The following SPACA3 variants were observed in gnomAD, a reference collection of about 807,000 sequenced individuals.
SPACA3 encodes the protein sperm acrosome membrane-associated protein 3.
A neutral mutation model predicts 24.5 loss-of-function variants in SPACA3; 21 were observed. The observed-to-expected ratio is 0.86, with a 90% confidence interval of 0.61 to 1.24. The LOEUF (loss-of-function observed/expected upper bound fraction) is 1.24, where lower values mean the gene tolerates loss of function less well. SPACA3 is among the 50% of genes most tolerant of loss of function. The pLI, the probability that SPACA3 is intolerant of heterozygous loss-of-function variation, is 0.00. For synonymous variants in SPACA3, 115 were observed against 106.9 expected, an observed-to-expected ratio of 1.08 and a Z score of -0.47; for missense variants, 278 against 275.5, an observed-to-expected ratio of 1.01 and a Z score of -0.06.
intron 1 of SPACA3, 103 bp from the exon 2 acceptor site, chr17:32,995,306 G>T: frequency 8.9e-7 from 1 of 1,123,778 alleles, no homozygotes; most frequent in Non-Finnish European, 1.3e-6. Context: ...AGAGGGGCTG[G>T]TCTCGGGGTC....
intron 1 of SPACA3, among the ~76,000 whole-genome samples, chr17:32,993,616 G>A (rs1215339655): frequency 5.9e-5 from 9 of 152,068 alleles, no homozygotes; most frequent in Non-Finnish European, 1.0e-4. Flanking sequence ...CCTTGGACCC[G>A]CAGAGCAGTT....
Position 32,995,736 on chromosome 17 carries a change from GGC to G in SPACA3, c.343+21_343+22del. On this transcript the variant is annotated intron_variant, in intron 2 of 4. Transcript: ENST00000269053. ...GCTGACTGTGAGAACCCCTCTCCCT[GGC>G]GGGCCCTGACTTCCCCACACCTCCC... 1 of 1,603,382 alleles carries G rather than the reference GGC, an allele frequency of 6.2e-7. No individual in the cohort carries two copies. The highest frequency in any genetic ancestry group is 1.1e-5 in the South Asian group (1 of 90,016).
At chr17:32,992,403 C>A (rs914562850) in intron 1 of SPACA3, among the ~76,000 whole-genome samples, 2 of 152,196 alleles carry the variant, frequency 1.3e-5, no homozygotes, top group African/African-American at 4.8e-5. Flanking sequence ...ACTCCCCTCG[C>A]GGTGAGAAGA....
chr17:32,996,410 A>G (rs952318537), intron 2 of SPACA3, among the ~76,000 whole-genome samples: 2 of 147,688 alleles, frequency 1.4e-5, no homozygotes, highest in Non-Finnish European at 3.0e-5. Context: ...AATTGCTTGA[A>G]CCCGGGAGGC....
intron 1 of SPACA3, 106 bp downstream of exon 1, chr17:32,992,078 C>A: frequency 8.3e-7 from 1 of 1,207,850 alleles, no homozygotes; most frequent in Non-Finnish European, 1.2e-6. Flanking sequence ...GTGGGGTTAT[C>A]CTGGCCTGGA....
intron 2 of SPACA3, 145 bp downstream of exon 2, chr17:32,995,862 A>G (rs768359600): frequency 3.0e-6 from 3 of 1,008,194 alleles, no homozygotes; most frequent in Non-Finnish European, 4.3e-6. Flanking sequence ...GATGGCAGGT[A>G]GAGAACAGCC....
chr17:32,997,377 T>TCA (rs538091519), intron 3 of SPACA3, 68 bp from the exon 4 acceptor site: 10,148 of 839,492 alleles, frequency 0.012, 2 homozygotes, highest in South Asian at 0.014. Flanking sequence ...AGATACACAC[T>TCA]CACACACACA....
At chr17:32,997,364 G>A in intron 3 of SPACA3, 81 bp from the exon 4 acceptor site, 1 of 1,055,848 alleles carries the variant, frequency 9.5e-7, no homozygotes, top group Non-Finnish European at 1.4e-6. Flanking sequence ...GAGAGAGACA[G>A]ACAGATACAC....
chr17:32,992,836 C>T (rs555016655), intron 1 of SPACA3: 377 of 466,670 alleles, frequency 8.1e-4, no homozygotes, highest in Non-Finnish European at 1.4e-3. Flanking sequence ...TGTGAAGGGT[C>T]GTGAAGGGCC....
At chr17:32,997,560 T>C in intron 4 of SPACA3, 37 bp downstream of exon 4, 2 of 1,585,974 alleles carry the variant, frequency 1.3e-6, no homozygotes, top group Non-Finnish European at 1.7e-6. Context: ...AGCGGTGGTA[T>C]GGTTAGGACT....
At chr17:32,992,059 G>T in intron 1 of SPACA3, 87 bp downstream of exon 1, 3 of 1,452,072 alleles carry the variant, frequency 2.1e-6, no homozygotes, top group Non-Finnish European at 2.8e-6. Context: ...AAACAAGGTG[G>T]TGGTTAGGGT....
chr17:32,993,244 T>A (rs2091701826), intron 1 of SPACA3, among the ~76,000 whole-genome samples: 1 of 152,148 alleles, frequency 6.6e-6, no homozygotes, highest in Non-Finnish European at 1.5e-5. Context: ...GGGTTTGAGG[T>A]GCCTGCAGGG....
chr17:32,995,108 T>G (rs1239459521), intron 1 of SPACA3, among the ~76,000 whole-genome samples: 2 of 152,206 alleles, frequency 1.3e-5, no homozygotes, highest in African/African-American at 4.8e-5. Context: ...GGCCATCCCC[T>G]CCGGGAGCAT....
chr17:32,991,875 G>T lies in SPACA3; in HGVS notation c.-64G>T. 3 of 1,612,542 alleles carry T rather than the reference G, an allele frequency of 1.9e-6. No homozygotes were observed. The highest frequency in any genetic ancestry group is 1.3e-5 in the African/African-American group (1 of 74,998). On this transcript the variant is annotated 5_prime_UTR_variant, in exon 1 of 5. Transcript: ENST00000269053. Reference sequence around the variant, plus strand: ...ACTGGGTGCCTGGGGCCCTGGCAAGGTTGTGGGGGACATCTTGAGCTGAAG... The same window carrying T: ...ACTGGGTGCCTGGGGCCCTGGCAAGTTTGTGGGGGACATCTTGAGCTGAAG...
chr17:32,996,963 C>G lies in SPACA3; in HGVS notation c.464C>G (p.Thr155Ser), dbSNP rs774252623. Residue 155 changes from threonine (T) to serine (S), a missense_variant, in exon 3 of 5, where the codon ACC becomes AGC. Thr to Ser is a moderately conservative substitution (Grantham distance 58, BLOSUM62 1). Coordinates refer to ENST00000269053, the MANE Select transcript of SPACA3 (RefSeq NM_173847.5). Reference protein sequence around the residue: ...INSRRWCSNLTPNVPNVCRMY... With the variant: ...INSRRWCSNLSPNVPNVCRMY... ...AGCCGGAGGTGGTGCAGCAACCTCA[C>G]CCCGAACGTCCCCAACGTGTGCCGG... The G allele has an allele frequency of 5.7e-6, 9 of 1,591,892 alleles. No homozygotes were observed. Among genetic ancestry groups the G allele is most frequent in the Admixed American group, 1.7e-5 (1 of 57,566 alleles).
At chr17:32,996,507 AG>A (rs1043952706) in intron 2 of SPACA3, among the ~76,000 whole-genome samples, 12 of 150,564 alleles carry the variant, frequency 8.0e-5, no homozygotes, top group Non-Finnish European at 1.3e-4. Flanking sequence ...AAAAAAAAAA[AG>A]ATTTAGCACT....
intron 1 of SPACA3, among the ~76,000 whole-genome samples, chr17:32,995,030 A>G (rs2091713027): frequency 6.6e-6 from 1 of 152,068 alleles, no homozygotes; most frequent in Admixed American, 6.5e-5. Context: ...AGATCTGGAG[A>G]TGGAGGGTCA....
intron 1 of SPACA3, among the ~76,000 whole-genome samples, chr17:32,993,171 A>G (rs2091701225): frequency 6.6e-6 from 1 of 152,306 alleles, no homozygotes; most frequent in Admixed American, 6.5e-5. Context: ...TTTAAAGCAC[A>G]TAAGGAAAGT....
rs1235832366 is a variant in SPACA3, at chr17:32,991,974, T to G, written c.34+2T>G. The G allele has an allele frequency of 1.9e-6, 3 of 1,613,730 alleles. No individual in the cohort carries two copies. The highest frequency in any genetic ancestry group is 1.3e-5 in the African/African-American group (1 of 74,842). ...CTCTGCGGGGAGCACCCCTGATCAG[T>G]GAGCCCCCTTTCCCTTCTTCCTGGG... On this transcript the variant is annotated splice_donor_variant, in intron 1 of 4. Transcript: ENST00000269053. LOFTEE classifies it high-confidence loss of function.
Sources: allele counts gnomAD v4.1 joint callset (sites outside exome capture counted in the v4.1 genomes callset), GRCh38; gene constraint gnomAD v4.1.1; transcripts MANE v1.5; gene names NCBI Gene and HGNC (gene_info 2026-07-23, HGNC 2026-07-21).